GNG7: variants seen among roughly 807,000 people sequenced by gnomAD.
The protein encoded by GNG7 is G protein subunit gamma 7.
GNG7 carries 1 observed loss-of-function variant against 4.0 expected under a neutral mutation model. The observed-to-expected ratio is 0.25, with a 90% confidence interval of 0.09 to 1.18. The LOEUF is 1.18. Ranked by LOEUF, GNG7 falls within the 50% of genes most tolerant of loss-of-function variation. The pLI, the probability that GNG7 is intolerant of heterozygous loss-of-function variation, is 0.50. For missense variants in GNG7, 86 were observed against 91.9 expected, an observed-to-expected ratio of 0.94 and a Z score of 0.26; for synonymous variants, 34 against 36.9, an observed-to-expected ratio of 0.92 and a Z score of 0.29.
chr19:2,560,475 G>C (rs1163889121), intron 2 of GNG7, among the ~76,000 whole-genome samples: 1 of 152,144 alleles, frequency 6.6e-6, no homozygotes, highest in African/African-American at 2.4e-5. Context: ...CCTTGAGGCA[G>C]TGATTCTCAC....
chr19:2,688,186 G>A (rs892926576), intron 1 of GNG7, among the ~76,000 whole-genome samples: 1 of 152,218 alleles, frequency 6.6e-6, no homozygotes, highest in African/African-American at 2.4e-5. Context: ...CCAGGAGGTG[G>A]AGCTTGCAGT....
chr19:2,535,422 C>T (rs552906875), intron 3 of GNG7, among the ~76,000 whole-genome samples: 1 of 151,650 alleles, frequency 6.6e-6, no homozygotes. Flanking sequence ...ATCGCTTGAG[C>T]CCAGGAAGTG....
intron 1 of GNG7, among the ~76,000 whole-genome samples, chr19:2,663,516 C>A (rs1464295226): frequency 6.6e-6 from 1 of 152,144 alleles, no homozygotes; most frequent in African/African-American, 2.4e-5. Flanking sequence ...ATAAATTATC[C>A]AGTCTATGGC....
chr19:2,600,940 C>G (rs891454868), intron 2 of GNG7, among the ~76,000 whole-genome samples: 2 of 152,066 alleles, frequency 1.3e-5, no homozygotes, highest in African/African-American at 4.8e-5. Context: ...TGCTCAAGTC[C>G]TCAAAGCTGA....
intron 2 of GNG7, among the ~76,000 whole-genome samples, chr19:2,573,220 A>G (rs1196063127): frequency 6.6e-6 from 1 of 150,464 alleles, no homozygotes; most frequent in Non-Finnish European, 1.5e-5. Context: ...ACGGGGTTTC[A>G]CCATGCTGCC....
intron 4 of GNG7, among the ~76,000 whole-genome samples, chr19:2,516,385 C>T (rs566840827): frequency 1.2e-3 from 181 of 152,024 alleles, no homozygotes; most frequent in African/African-American, 4.1e-3. Flanking sequence ...CCACCACGCC[C>T]AGCTAATTTT....
chr19:2,553,125 C>CAAAAAAAAAAAAAAAAAAAAGAAAAAAA (rs36098274), intron 3 of GNG7, among the ~76,000 whole-genome samples: 1 of 112,402 alleles, frequency 8.9e-6, no homozygotes, highest in African/African-American at 3.5e-5. Flanking sequence ...AAAGCAAAAC[C>CAAAAAAAAAAAAAAAAAAAAGAAAAAAA]AAAAAAAAAA....
chr19:2,588,517 G>A (rs1980743921), intron 2 of GNG7, among the ~76,000 whole-genome samples: 1 of 152,244 alleles, frequency 6.6e-6, no homozygotes, highest in African/African-American at 2.4e-5. Flanking sequence ...CCCCCGGCTG[G>A]GAAAAAAGCA....
At chr19:2,582,656 ATTTTTTTTTTTTTT>A (rs35625825) in intron 2 of GNG7, among the ~76,000 whole-genome samples, 6 of 86,142 alleles carry the variant, frequency 7.0e-5, no homozygotes, top group Admixed American at 1.4e-4. Context: ...CTAATTGTTA[ATTTTTTTTTTTTTT>A]TTTTTTTTTT....
intron 2 of GNG7, among the ~76,000 whole-genome samples, chr19:2,577,700 CAAAAAA>C (rs58623953): frequency 0.019 from 2,030 of 108,378 alleles, 21 homozygotes; most frequent in East Asian, 0.034. Context: ...GATTCCATCT[CAAAAAA>C]AAAAAAAAAA....
chr19:2,656,332 G>A (rs980427257), intron 1 of GNG7, among the ~76,000 whole-genome samples: 4 of 152,206 alleles, frequency 2.6e-5, no homozygotes, highest in African/African-American at 9.7e-5. Flanking sequence ...GGCCGGGTGC[G>A]GTGGCTCACG....
At chr19:2,625,310 A>T (rs970418118) in intron 2 of GNG7, among the ~76,000 whole-genome samples, 1 of 152,140 alleles carries the variant, frequency 6.6e-6, no homozygotes, top group Non-Finnish European at 1.5e-5. Context: ...GGCCTCAAGC[A>T]ATTCTCTCAC....
chr19:2,579,828 C>CT (rs1271498165), intron 2 of GNG7, among the ~76,000 whole-genome samples: 1 of 152,124 alleles, frequency 6.6e-6, no homozygotes, highest in African/African-American at 2.4e-5. Context: ...AAATGGGGGA[C>CT]TGGGAGGGGG....
chr19:2,551,832 C>A (rs1227376165), intron 3 of GNG7, among the ~76,000 whole-genome samples: 1 of 151,950 alleles, frequency 6.6e-6, no homozygotes, highest in Non-Finnish European at 1.5e-5. Context: ...TACAGGCATG[C>A]GTCACCACGC....
chr19:2,557,580 T>C lies in GNG7; in HGVS notation c.-77-2392A>G, dbSNP rs73520480. 0.062 allele frequency among the ~76,000 whole-genome samples: 9,428 copies of C among 151,814 alleles called. 977 individuals carry two copies. The highest frequency in any genetic ancestry group is 0.21 in the African/African-American group (8,880 of 41,352). On this transcript the variant is annotated intron_variant, in intron 2 of 4. Coordinates refer to ENST00000382159, the MANE Select transcript of GNG7 (RefSeq NM_052847.3). This position sits in a 1 kb window ranked among gnomAD's most constrained non-coding sequence, Gnocchi z 5.1. Reference sequence around the variant, plus strand: ...TTGTAGCACCGTTTCAGGACCGTGATAGAGAAAGACGGGAAGTTAGACTTC... The same window carrying C: ...TTGTAGCACCGTTTCAGGACCGTGACAGAGAAAGACGGGAAGTTAGACTTC...
intron 2 of GNG7, among the ~76,000 whole-genome samples, chr19:2,639,528 C>T (rs993022398): frequency 9.5e-4 from 13 of 13,676 alleles, no homozygotes; most frequent in African/African-American, 8.4e-3. Flanking sequence ...GGGTGGGGAA[C>T]GAGCGCTCCA....
At chr19:2,690,073 T>G (rs1254273315) in intron 1 of GNG7, among the ~76,000 whole-genome samples, 1 of 151,926 alleles carries the variant, frequency 6.6e-6, no homozygotes, top group Non-Finnish European at 1.5e-5. Context: ...TTCCTTTGAC[T>G]TTTTTTTCCA....
Position 2,671,886 on chromosome 19 carries a change from C to T in GNG7, c.-134-25606G>A, listed in dbSNP as rs1599454297. Among the ~76,000 whole-genome samples the T allele has an allele frequency of 1.3e-5, 2 of 151,660 alleles. 1 individual carries two copies. Among genetic ancestry groups the T allele is most frequent in the Admixed American group, 1.3e-4 (2 of 15,240 alleles). Reference sequence around the variant, plus strand: ...CTAACACAGTGAAACCTCGTCTCTACTAAAAATACAAAAAATTAGCCGGGC... The same window carrying T: ...CTAACACAGTGAAACCTCGTCTCTATTAAAAATACAAAAAATTAGCCGGGC... On this transcript the variant is annotated intron_variant, in intron 1 of 4. Coordinates refer to ENST00000382159, the MANE Select transcript of GNG7 (RefSeq NM_052847.3).
chr19:2,658,173 G>A (rs551900751), intron 1 of GNG7, among the ~76,000 whole-genome samples: 81 of 152,146 alleles, frequency 5.3e-4, no homozygotes, highest in South Asian at 2.3e-3. Flanking sequence ...CACACGGGGA[G>A]AAAAACCCAC....
Sources: allele counts gnomAD v4.1 joint callset (sites outside exome capture counted in the v4.1 genomes callset), GRCh38; gene constraint gnomAD v4.1.1; non-coding constraint Gnocchi (gnomAD v3.1); transcripts MANE v1.5; gene names NCBI Gene and HGNC (gene_info 2026-07-23, HGNC 2026-07-21).